Variants in RHPN2 observed in about 807,000 individuals in gnomAD.
RHPN2 encodes rhophilin Rho GTPase binding protein 2.
In RHPN2, 40 loss-of-function variants were observed where a neutral mutation model predicts 79.0. That is an observed-to-expected ratio of 0.51 (90% CI 0.39 to 0.66). The LOEUF (loss-of-function observed/expected upper bound fraction) is 0.66. Ranked by LOEUF, RHPN2 falls within the 30% of genes least tolerant of loss-of-function variation. The pLI, the probability that RHPN2 is intolerant of heterozygous loss-of-function variation, is 0.00. For synonymous variants in RHPN2, 285 were observed against 363.5 expected (o/e 0.78, Z 2.46); for missense variants, 686 against 883.5 (o/e 0.78, Z 2.83).
intron 2 of RHPN2, among the ~76,000 whole-genome samples, chr19:33,043,619 A>G (rs747550640): frequency 1.2e-4 from 18 of 151,880 alleles, no homozygotes; most frequent in Non-Finnish European, 2.2e-4. Context: ...GGAAGAAGAA[A>G]CTCTGCACTC....
chr19:33,020,710 A>G (rs1292430678), intron 4 of RHPN2, among the ~76,000 whole-genome samples: 3 of 152,152 alleles, frequency 2.0e-5, no homozygotes, highest in Non-Finnish European at 4.4e-5. Context: ...CATTTTAGCC[A>G]GGCTGGTCTT....
intron 9 of RHPN2, 152 bp from the exon 10 acceptor site, chr19:32,999,857 C>T (rs1405864671): frequency 1.0e-6 from 1 of 977,944 alleles, no homozygotes; most frequent in East Asian, 3.2e-5. Context: ...GGACACACCC[C>T]AGGCCGTCTA....
intron 1 of RHPN2, among the ~76,000 whole-genome samples, chr19:33,048,246 G>T (rs946321576): frequency 5.9e-5 from 9 of 151,718 alleles, no homozygotes; most frequent in Admixed American, 5.9e-4. Context: ...AGTAGAGATG[G>T]GGTTTCACCG....
chr19:33,063,802 C>G (rs938286735), intron 1 of RHPN2, among the ~76,000 whole-genome samples: 1 of 136,018 alleles, frequency 7.4e-6, no homozygotes, highest in Non-Finnish European at 1.5e-5. Flanking sequence ...GAGGCCGGCA[C>G]CCGCCACCCG....
Position 33,002,964 on chromosome 19 carries a change from G to A in RHPN2, c.797C>T (p.Thr266Ile), listed in dbSNP as rs149589142. The stretch of plus-strand genomic sequence containing the variant: ...GGCAGGGCTCATGTCGTAACTTGGA[G>A]TATGGGTAAATGTGTCTTTCAGGTA... ...LNYLKDTFTH[T>I]PSYDMSPAML... Residue 266 changes from threonine (T) to isoleucine (I), a missense_variant, in exon 8 of 15, where the codon ACT (threonine) becomes ATT (isoleucine). Thr to Ile is a moderately conservative substitution (Grantham distance 89, BLOSUM62 -1). Coordinates refer to ENST00000254260, the MANE Select transcript of RHPN2 (RefSeq NM_033103.5). The A allele has an allele frequency of 6.2e-7, 1 of 1,613,962 alleles. No individual in the cohort carries two copies. Among genetic ancestry groups the A allele is most frequent in the Non-Finnish European group, 8.5e-7 (1 of 1,179,852 alleles).
intron 2 of RHPN2, among the ~76,000 whole-genome samples, chr19:33,038,084 C>T (rs1972073005): frequency 6.6e-6 from 1 of 152,008 alleles, no homozygotes; most frequent in Non-Finnish European, 1.5e-5. Flanking sequence ...GGTGTGGTGG[C>T]TCATGTCTGT....
chr19:33,045,682 C>G (rs1372547264), intron 1 of RHPN2, among the ~76,000 whole-genome samples: 5 of 152,150 alleles, frequency 3.3e-5, no homozygotes, highest in South Asian at 2.1e-4. Flanking sequence ...CCATGTTGGC[C>G]AGGCTGGTCC....
At chr19:33,024,226 G>A (rs1395638853) in intron 3 of RHPN2, among the ~76,000 whole-genome samples, 2 of 152,076 alleles carry the variant, frequency 1.3e-5, no homozygotes, top group Non-Finnish European at 2.9e-5. Context: ...GAGGTCAGGA[G>A]TTCGAGACCA....
chr19:33,049,533 G>A (rs905212413), intron 1 of RHPN2, among the ~76,000 whole-genome samples: 2 of 152,140 alleles, frequency 1.3e-5, no homozygotes, highest in African/African-American at 4.8e-5. Context: ...TCCTGACCTC[G>A]GGATCTGCTG....
chr19:33,027,384 T>C (rs1426113773), intron 2 of RHPN2: 1 of 152,932 alleles, frequency 6.5e-6, no homozygotes, highest in Non-Finnish European at 1.5e-5. Flanking sequence ...TGGTGGTGCA[T>C]GCCTATAGTC....
intron 2 of RHPN2, among the ~76,000 whole-genome samples, chr19:33,038,858 A>G (rs1972078726): frequency 6.6e-6 from 1 of 152,064 alleles, no homozygotes; most frequent in Non-Finnish European, 1.5e-5. Flanking sequence ...AGGTTTAACC[A>G]TGTTGGCCAG....
At chr19:33,064,574 G>A (rs1162560375) in intron 1 of RHPN2, among the ~76,000 whole-genome samples, 1 of 151,914 alleles carries the variant, frequency 6.6e-6, no homozygotes, top group African/African-American at 2.4e-5. Context: ...TCCCCGCCCA[G>A]TCCCGGATGC....
rs762314809 is a variant in RHPN2, at chr19:33,012,771, A to T, written c.391-47T>A. The T allele has an allele frequency of 8.8e-6, 9 of 1,022,598 alleles. 1 individual carries two copies. Among genetic ancestry groups the T allele is most frequent in the Non-Finnish European group, 1.4e-5 (9 of 640,212 alleles). The allele number at this position is 1,022,598 out of a possible 1,614,324, so 63.3% of individuals were successfully genotyped here. A position where few individuals can be genotyped will look rare whatever the true frequency, so the allele number is the denominator to read the frequency against. ...ATGTTATAAAGTGTGGCTGAAAACC[A>T]TATGTGTGCATAATAGTAATATGTC... On this transcript the variant is annotated intron_variant, in intron 4 of 14. Coordinates refer to ENST00000254260, the MANE Select transcript of RHPN2 (RefSeq NM_033103.5).
At chr19:33,036,873 C>CT (rs1555713792) in intron 2 of RHPN2, among the ~76,000 whole-genome samples, 1 of 143,228 alleles carries the variant, frequency 7.0e-6, no homozygotes, top group Non-Finnish European at 1.5e-5. Flanking sequence ...TGCCTGAGCC[C>CT]CCCCGCCACC....
chr19:33,054,687 G>A (rs1972217620), intron 1 of RHPN2, among the ~76,000 whole-genome samples: 1 of 152,180 alleles, frequency 6.6e-6, no homozygotes, highest in Admixed American at 6.5e-5. Context: ...CTGGCTGAGC[G>A]GTACCTGCAG....
intron 12 of RHPN2, 80 bp downstream of exon 12, chr19:32,993,897 A>T: frequency 3.9e-6 from 4 of 1,023,538 alleles, no homozygotes; most frequent in African/African-American, 1.6e-5. Flanking sequence ...ATAGCAGCCC[A>T]CATGGACTAA....
At chr19:33,020,700 C>A (rs911098437) in intron 4 of RHPN2, among the ~76,000 whole-genome samples, 47 of 152,036 alleles carry the variant, frequency 3.1e-4, no homozygotes, top group African/African-American at 1.1e-3. Context: ...GGGGTTTTAC[C>A]ATTTTAGCCA....
At chr19:33,036,608 C>T (rs1972057812) in intron 2 of RHPN2, among the ~76,000 whole-genome samples, 2 of 152,192 alleles carry the variant, frequency 1.3e-5, no homozygotes, top group African/African-American at 2.4e-5. Flanking sequence ...AGGCCCGAGC[C>T]GGCTCCCTCA....
At chr19:33,063,276 T>A (rs1972297423) in intron 1 of RHPN2, among the ~76,000 whole-genome samples, 1 of 152,114 alleles carries the variant, frequency 6.6e-6, no homozygotes, top group African/African-American at 2.4e-5. Context: ...CTACTTTTTT[T>A]TTTTTTAATG....
Sources: allele counts gnomAD v4.1 joint callset (sites outside exome capture counted in the v4.1 genomes callset), GRCh38; gene constraint gnomAD v4.1.1; transcripts MANE v1.5; gene names NCBI Gene and HGNC (gene_info 2026-07-23, HGNC 2026-07-21).